BICD1: variants seen among roughly 807,000 people sequenced by gnomAD.
BICD1 encodes the protein protein bicaudal D homolog 1.
In BICD1, 35 loss-of-function variants were observed where a neutral mutation model predicts 92.5. That is an observed-to-expected ratio of 0.38 (90% CI 0.29 to 0.50). BICD1 has a LOEUF of 0.50. Among genes scored for constraint, BICD1 ranks in the 20% least tolerant of loss-of-function variants. The probability of loss-of-function intolerance (pLI) is 0.93; values close to 1 mark genes in which losing one functional copy is unlikely to be tolerated. For synonymous variants in BICD1, 429 were observed against 465.1 expected (o/e 0.92, Z 1.00); for missense variants, 950 against 1,189.8 (o/e 0.80, Z 2.97).
At chr12:32,323,820 C>G (rs568378092) in intron 4 of BICD1, among the ~76,000 whole-genome samples, 1 of 152,206 alleles carries the variant, frequency 6.6e-6, no homozygotes, top group African/African-American at 2.4e-5. Flanking sequence ...GCAAAACAAA[C>G]TTAATAATTA....
At chr12:32,320,635 C>T (rs934583045) in intron 4 of BICD1, among the ~76,000 whole-genome samples, 10 of 151,518 alleles carry the variant, frequency 6.6e-5, no homozygotes, top group Non-Finnish European at 1.0e-4. Context: ...AGTGAGACTC[C>T]GTCTCAAAAT....
At chr12:32,258,318 A>G (rs1000446670) in intron 2 of BICD1, among the ~76,000 whole-genome samples, 1 of 152,172 alleles carries the variant, frequency 6.6e-6, no homozygotes, top group Non-Finnish European at 1.5e-5. Context: ...ATATTGTACT[A>G]TGGTTTCAAC....
chr12:32,272,099 A>G (rs1592591650), intron 2 of BICD1, among the ~76,000 whole-genome samples: 2 of 152,204 alleles, frequency 1.3e-5, no homozygotes, highest in South Asian at 4.1e-4. Flanking sequence ...CATATTAGTT[A>G]TATATTGTTA....
At chr12:32,249,458 C>T (rs1012630719) in intron 2 of BICD1, among the ~76,000 whole-genome samples, 3 of 152,008 alleles carry the variant, frequency 2.0e-5, no homozygotes, top group African/African-American at 7.3e-5. Flanking sequence ...GTCTCTTTTC[C>T]CCCTTACCTA....
intron 1 of BICD1, among the ~76,000 whole-genome samples, chr12:32,199,914 C>T (rs2121549052): frequency 6.6e-6 from 1 of 152,128 alleles, no homozygotes; most frequent in South Asian, 2.1e-4. Context: ...TGCTTTAAGG[C>T]CCAGGAAAAG....
intron 2 of BICD1, among the ~76,000 whole-genome samples, chr12:32,246,029 CAAAA>C (rs71068311): frequency 4.5e-5 from 2 of 44,094 alleles, no homozygotes; most frequent in Non-Finnish European, 7.4e-5. Flanking sequence ...TACTCTGTCT[CAAAA>C]AAAAAAAAAA....
intron 2 of BICD1, among the ~76,000 whole-genome samples, chr12:32,278,971 G>A (rs1179417792): frequency 6.6e-6 from 1 of 152,190 alleles, no homozygotes; most frequent in Non-Finnish European, 1.5e-5. Flanking sequence ...GATCTGTTGT[G>A]TGCTGGACAA....
intron 8 of BICD1, among the ~76,000 whole-genome samples, chr12:32,361,536 G>A (rs1181014149): frequency 7.1e-6 from 1 of 141,220 alleles, no homozygotes; most frequent in Non-Finnish European, 1.5e-5. Flanking sequence ...CTGGGCAACA[G>A]AGCGAGACTC....
At chr12:32,277,738 A>T (rs531111515) in intron 2 of BICD1, among the ~76,000 whole-genome samples, 1 of 152,202 alleles carries the variant, frequency 6.6e-6, no homozygotes, top group Non-Finnish European at 1.5e-5. Context: ...TTGATTTGCA[A>T]ATCAAGCTGT....
chr12:32,278,680 T>C (rs1423017520), intron 2 of BICD1, among the ~76,000 whole-genome samples: 2 of 151,924 alleles, frequency 1.3e-5, no homozygotes, highest in Admixed American at 1.3e-4. Context: ...AGTGAAACCC[T>C]GTCTCTACTA....
chr12:32,211,542 T>C (rs1429964629), intron 1 of BICD1, among the ~76,000 whole-genome samples: 1 of 152,152 alleles, frequency 6.6e-6, no homozygotes, highest in Non-Finnish European at 1.5e-5. Flanking sequence ...CTTAAGACTT[T>C]AGGGGTTGTT....
At chr12:32,254,322 GATCCCACCTGCCATAATCACTGCCGT>G (rs1946661200) in intron 2 of BICD1, among the ~76,000 whole-genome samples, 1 of 121,380 alleles carries the variant, frequency 8.2e-6, no homozygotes, top group South Asian at 2.8e-4. Flanking sequence ...TTCACTGGCA[GATCCCACCTGCCATAATCACTGCCGT>G]ATCCCACCTG....
At chr12:32,197,647 CTG>C (rs1434646766) in intron 1 of BICD1, among the ~76,000 whole-genome samples, 2 of 152,174 alleles carry the variant, frequency 1.3e-5, no homozygotes. Context: ...AAGGCTATGA[CTG>C]TATTCTGCAA....
rs149880101 is a variant in BICD1, at chr12:32,135,022, C to CCTCCTCTCCTCTCCTCTCCT, written c.213+27497_213+27498insTCTCCTCTCCTCTCCTCTCC. ...ATCAGAGGGCTAGAGGTGAATGAGT[C>CCTCCTCTCCTCTCCTCTCCT]CTCCTCTCCTCTCCTCTCCCCCTCC... On this transcript the variant is annotated intron_variant, in intron 1 of 9. Coordinates refer to ENST00000652176, the MANE Select transcript of BICD1 (RefSeq NM_001714.4). Among the ~76,000 whole-genome samples, 1,175 of 135,334 alleles carry CCTCCTCTCCTCTCCTCTCCT rather than the reference C, an allele frequency of 8.7e-3. 20 individuals carry two copies. The highest frequency in any genetic ancestry group is 0.029 in the African/African-American group (1,023 of 35,550). The allele number at this position is 135,334 out of a possible 152,430, so 88.8% of individuals were successfully genotyped here.
rs1946010603 is a variant in BICD1 at position 32,234,682 on chromosome 12, T to TC, written c.426+18223_426+18224insC. On this transcript the variant is annotated intron_variant, in intron 2 of 9. Coordinates refer to ENST00000652176, the MANE Select transcript of BICD1 (RefSeq NM_001714.4). ...CTTTTTTTTTCTTTCTTTTTTTTTT[T>TC]TTTTTTCTGGAGTTAGAGTCTCTCA... Among the ~76,000 whole-genome samples the TC allele has an allele frequency of 2.0e-5, 3 of 148,044 alleles. No homozygotes were observed. The South Asian group carries it at 6.4e-4, about 32-fold the overall frequency.
chr12:32,222,779 C>T (rs1945571961), intron 2 of BICD1, among the ~76,000 whole-genome samples: 1 of 152,114 alleles, frequency 6.6e-6, no homozygotes, highest in East Asian at 1.9e-4. Context: ...CTAGCTAGGC[C>T]TTTTGGCCCT....
chr12:32,332,922 A>C (rs1937940491), intron 5 of BICD1: 1 of 985,356 alleles, frequency 1.0e-6, no homozygotes, highest in Non-Finnish European at 1.2e-6. Flanking sequence ...AGCAGAAATC[A>C]GCAAATCCAG....
intron 2 of BICD1, among the ~76,000 whole-genome samples, chr12:32,223,516 CAAAAAAAAAAA>C (rs60536204): frequency 9.7e-6 from 1 of 103,444 alleles, no homozygotes; most frequent in Non-Finnish European, 2.0e-5. Context: ...GACTTTGTCT[CAAAAAAAAAAA>C]AAAAAAAAAG....
chr12:32,314,995 GT>G (rs1425154948), intron 4 of BICD1, among the ~76,000 whole-genome samples: 1 of 151,926 alleles, frequency 6.6e-6, no homozygotes, highest in Non-Finnish European at 1.5e-5. Flanking sequence ...TTCTTTTGTT[GT>G]TTGTGCTTTT....
Sources: allele counts gnomAD v4.1 joint callset (sites outside exome capture counted in the v4.1 genomes callset), GRCh38; gene constraint gnomAD v4.1.1; transcripts MANE v1.5; gene names NCBI Gene and HGNC (gene_info 2026-07-23, HGNC 2026-07-21).